Variants in PTPRO observed in about 807,000 individuals in gnomAD.
The protein encoded by PTPRO is protein tyrosine phosphatase receptor type O.
In PTPRO, 62 loss-of-function variants were observed where a neutral mutation model predicts 145.2. That is an observed-to-expected ratio of 0.43 (90% confidence interval 0.35 to 0.53). PTPRO has a LOEUF of 0.53. PTPRO is among the 20% of genes least tolerant of loss of function. The pLI, the probability that PTPRO is intolerant of heterozygous loss-of-function variation, is 0.01. For synonymous variants in PTPRO, 565 were observed against 514.7 expected (o/e 1.10, Z -1.32); for missense variants, 1,345 against 1,482.7 (o/e 0.91, Z 1.53).
chr12:15,435,421 C>A (rs78927926), intron 1 of PTPRO, among the ~76,000 whole-genome samples: 4,378 of 152,172 alleles, frequency 0.029, 226 homozygotes, highest in African/African-American at 0.1. Context: ...TCTCATCTGT[C>A]ATTCTTTCAA....
chr12:15,587,090 G>T, intron 24 of PTPRO, 39 bp downstream of exon 24: 1 of 1,611,928 alleles, frequency 6.2e-7, no homozygotes, highest in East Asian at 2.2e-5. Context: ...AATATTAGGA[G>T]TTGGTTTTGT....
At chr12:15,544,234 A>C (rs989401047) in intron 12 of PTPRO, among the ~76,000 whole-genome samples, 1 of 152,142 alleles carries the variant, frequency 6.6e-6, no homozygotes, top group African/African-American at 2.4e-5. Context: ...GTGGTGGCTC[A>C]TGCCTATAAT....
At chr12:15,389,189 T>C (rs1326579424) in intron 1 of PTPRO, among the ~76,000 whole-genome samples, 2 of 151,394 alleles carry the variant, frequency 1.3e-5, no homozygotes, top group African/African-American at 2.4e-5. Context: ...CTGCAAGCTC[T>C]GCCTCCCAGG....
At chr12:15,595,840 C>T (rs1944648890) in intron 26 of PTPRO, 1 of 152,212 alleles carries the variant, frequency 6.6e-6, no homozygotes, top group Non-Finnish European at 1.5e-5. Flanking sequence ...CCTCTACATC[C>T]ATCAAGAGAG....
chr12:15,544,953 C>G (rs1286798202), intron 12 of PTPRO, among the ~76,000 whole-genome samples: 1 of 152,192 alleles, frequency 6.6e-6, no homozygotes, highest in African/African-American at 2.4e-5. Context: ...CCTCCTTCAA[C>G]TCTTCTGCCT....
chr12:15,434,415 C>G (rs1940539720), intron 1 of PTPRO, among the ~76,000 whole-genome samples: 1 of 152,048 alleles, frequency 6.6e-6, no homozygotes, highest in Admixed American at 6.5e-5. Flanking sequence ...AGACTAAGGA[C>G]AAGTAAGTTC....
chr12:15,577,392 T>G (rs190794190), intron 19 of PTPRO, among the ~76,000 whole-genome samples: 1 of 152,136 alleles, frequency 6.6e-6, no homozygotes, highest in Non-Finnish European at 1.5e-5. Context: ...CCCAATAACT[T>G]GATTAATAAA....
At chr12:15,490,299 C>T (rs1941973796) in intron 2 of PTPRO, among the ~76,000 whole-genome samples, 2 of 152,110 alleles carry the variant, frequency 1.3e-5, no homozygotes, top group African/African-American at 4.8e-5. Flanking sequence ...GGTTAGCAAA[C>T]TTTTTCTATG....
At chr12:15,411,498 T>G (rs908868242) in intron 1 of PTPRO, among the ~76,000 whole-genome samples, 1 of 152,236 alleles carries the variant, frequency 6.6e-6, no homozygotes, top group Non-Finnish European at 1.5e-5. Flanking sequence ...TGAGACTGCC[T>G]CTAGAGAAGC....
rs1944440650 is a variant in PTPRO, at chr12:15,586,891, C to G, written c.3256-6C>G. The G allele has an allele frequency of 6.2e-7, 1 of 1,613,838 alleles. No individual in the cohort carries two copies. The highest frequency in any genetic ancestry group is 8.5e-7 in the Non-Finnish European group (1 of 1,179,946). ...TAATGCTTGTTTTTGGCTTTTTTCTCTAAAGGCTGACGAGATGCAGGATGT... is the reference window on the plus strand; with the variant it reads ...TAATGCTTGTTTTTGGCTTTTTTCTGTAAAGGCTGACGAGATGCAGGATGT... On this transcript the variant is annotated splice_region_variant and splice_polypyrimidine_tract_variant and intron_variant, in intron 23 of 26. Transcript: ENST00000281171.
intron 8 of PTPRO, among the ~76,000 whole-genome samples, chr12:15,515,976 GTTTTTTTTTTGTTTTGTTTTT>G (rs1339132870): frequency 7.9e-6 from 1 of 126,202 alleles, no homozygotes; most frequent in African/African-American, 2.9e-5. Flanking sequence ...TGTTTGTCTG[GTTTTTTTTTTGTTTTGTTTTT>G]TTTTTTTTTT....
rs1944502706 is a variant in PTPRO, at chr12:15,589,540, G to A, written c.3496G>A (p.Gly1166Arg). The change falls in exon 25 of 27, where the codon GGG (glycine) becomes AGG (arginine). Residue 1166 changes from glycine (G) to arginine (R), a missense_variant. Physicochemically the swap from Gly to Arg is moderately radical, Grantham distance 125. Transcript: ENST00000281171. ...GGATCATGAGTTTGTTGACATCTTA[G>A]GGCTGGTGTCAGAAATGAGGTCATA... Reference protein sequence around the residue: ...IRDHEFVDILGLVSEMRSYRM... With the variant: ...IRDHEFVDILRLVSEMRSYRM... The A allele has an allele frequency of 1.2e-6, 2 of 1,614,106 alleles. No individual in the cohort carries two copies. The highest frequency in any genetic ancestry group is 1.7e-6 in the Non-Finnish European group (2 of 1,179,976).
intron 2 of PTPRO, among the ~76,000 whole-genome samples, chr12:15,492,356 G>A (rs891086543): frequency 5.3e-5 from 8 of 152,168 alleles, no homozygotes; most frequent in African/African-American, 1.9e-4. Context: ...TGTTTATAAT[G>A]TTCAAGGACA....
intron 9 of PTPRO, among the ~76,000 whole-genome samples, chr12:15,519,130 T>A (rs931611758): frequency 6.6e-6 from 1 of 152,202 alleles, no homozygotes; most frequent in Non-Finnish European, 1.5e-5. Flanking sequence ...CCCACAATCA[T>A]GGCGGGAGGC....
rs996876296 is a variant in PTPRO, at chr12:15,416,323, T to C, written c.76-67651T>C. 1.0e-4 allele frequency among the ~76,000 whole-genome samples: 7 copies of C among 68,522 alleles called. 1 individual carries two copies. In the East Asian group the frequency reaches 1.4e-3, roughly 14 times the overall value. The allele number at this position is 68,522 out of a possible 152,430, so 45.0% of individuals were successfully genotyped here. A position where few individuals can be genotyped will look rare whatever the true frequency, so the allele number is the denominator to read the frequency against. On this transcript the variant is annotated intron_variant, in intron 1 of 26. Transcript: ENST00000281171. Reference sequence around the variant, plus strand: ...TTCCTCTTTCTCTCTCTCTCTCTCTTTCTTTTTTTTTTTTGAGACAGAGTC... The same window carrying C: ...TTCCTCTTTCTCTCTCTCTCTCTCTCTCTTTTTTTTTTTTGAGACAGAGTC...
chr12:15,329,739 T>C (rs1268109310), intron 1 of PTPRO, among the ~76,000 whole-genome samples: 2 of 152,172 alleles, frequency 1.3e-5, no homozygotes, highest in African/African-American at 4.8e-5. Context: ...CAGTGGCATA[T>C]TGGGAACATG....
chr12:15,490,303 T>C (rs1191495965), intron 2 of PTPRO, among the ~76,000 whole-genome samples: 2 of 152,178 alleles, frequency 1.3e-5, no homozygotes, highest in Non-Finnish European at 2.9e-5. Context: ...AGCAAACTTT[T>C]TCTATGAAGG....
rs560108332 is a variant in PTPRO at position 15,394,840 on chromosome 12, T to C, written c.75+72039T>C. On this transcript the variant is annotated intron_variant, in intron 1 of 26. Transcript: ENST00000281171. ...CCTAGGGAATTAACTACAGGGCTTG[T>C]CTAGTTTCTGTAAGATTTATTTGAG... 3.9e-5 allele frequency among the ~76,000 whole-genome samples: 6 copies of C among 152,334 alleles called. No homozygotes were observed. The South Asian group carries it at 1.2e-3, about 32-fold the overall frequency.
At chr12:15,385,875 T>C (rs1591764085) in intron 1 of PTPRO, among the ~76,000 whole-genome samples, 1 of 143,438 alleles carries the variant, frequency 7.0e-6, no homozygotes, top group Non-Finnish European at 1.5e-5. Flanking sequence ...AGATAGATGA[T>C]AGATAGATTA....
Sources: allele counts gnomAD v4.1 joint callset (sites outside exome capture counted in the v4.1 genomes callset), GRCh38; gene constraint gnomAD v4.1.1; transcripts MANE v1.5; gene names NCBI Gene and HGNC (gene_info 2026-07-23, HGNC 2026-07-21).